The following TMEM132C variants were observed in gnomAD, a reference collection of about 807,000 sequenced individuals.
The protein encoded by TMEM132C is transmembrane protein 132C, also known as protein phosphatase 1, regulatory subunit 152.
In TMEM132C, 29 loss-of-function variants were observed where a neutral mutation model predicts 61.4. The observed-to-expected ratio is 0.47, with a 90% CI of 0.35 to 0.64. The LOEUF is 0.64. Among genes scored for constraint, TMEM132C ranks in the 30% least tolerant of loss-of-function variants. TMEM132C has a pLI of 0.00. For missense variants in TMEM132C, 1,408 were observed against 1,476.9 expected (o/e 0.95, Z 0.76); for synonymous variants, 656 against 633.1 (o/e 1.04, Z -0.54).
chr12:128,404,035 G>T (rs1223520181), intron 1 of TMEM132C, among the ~76,000 whole-genome samples: 1 of 152,138 alleles, frequency 6.6e-6, no homozygotes, highest in Non-Finnish European at 1.5e-5. Flanking sequence ...CTACCGACTA[G>T]ATGTCAATAA....
chr12:128,663,955 C>CGCAT lies in TMEM132C; in HGVS notation c.1306-5462_1306-5461insGCAT, dbSNP rs1475125604. On this transcript the variant is annotated intron_variant, in intron 4 of 8. Transcript: ENST00000435159. ...ACGCGGACACTCACACAGGCACACACACATACAGGCACATGCACCCACACG... is the reference window on the plus strand; with the variant it reads ...ACGCGGACACTCACACAGGCACACACGCATACATACAGGCACATGCACCCACACG... Among the ~76,000 whole-genome samples, 4 of 93,816 alleles carry CGCAT rather than the reference C, an allele frequency of 4.3e-5. 1 individual carries two copies. Among genetic ancestry groups the CGCAT allele is most frequent in the African/African-American group, 4.0e-5 (1 of 24,900 alleles). 61.5% of individuals were successfully genotyped at this position (93,816 alleles called of 152,430 possible). A position where few individuals can be genotyped will look rare whatever the true frequency, so the allele number is the denominator to read the frequency against.
chr12:128,271,171 T>C (rs1787906427), intron 1 of TMEM132C, among the ~76,000 whole-genome samples: 1 of 151,822 alleles, frequency 6.6e-6, no homozygotes, highest in South Asian at 2.1e-4. Context: ...TGAGAATTGC[T>C]TGAATCTGGG....
At chr12:128,552,830 C>T (rs1815586589) in intron 3 of TMEM132C, among the ~76,000 whole-genome samples, 1 of 152,104 alleles carries the variant, frequency 6.6e-6, no homozygotes, top group African/African-American at 2.4e-5. Flanking sequence ...ATGGCTTGAA[C>T]CCAGGAGGCG....
At chr12:128,556,787 C>T (rs150238715) in intron 3 of TMEM132C, among the ~76,000 whole-genome samples, 1 of 152,252 alleles carries the variant, frequency 6.6e-6, no homozygotes, top group African/African-American at 2.4e-5. Flanking sequence ...AGGAGGACCC[C>T]CGAGCCTTGT....
At chr12:128,606,411 G>A (rs1424529317) in intron 3 of TMEM132C, among the ~76,000 whole-genome samples, 1 of 152,158 alleles carries the variant, frequency 6.6e-6, no homozygotes, top group East Asian at 1.9e-4. Flanking sequence ...CTCTCTTAAG[G>A]GCTTCGTTTC....
intron 2 of TMEM132C, among the ~76,000 whole-genome samples, chr12:128,462,614 G>A (rs2136071300): frequency 6.6e-6 from 1 of 152,268 alleles, no homozygotes; most frequent in East Asian, 1.9e-4. Flanking sequence ...CCTCCTGAAG[G>A]AAAGCCACAC....
intron 2 of TMEM132C, among the ~76,000 whole-genome samples, chr12:128,440,878 A>G (rs1261692563): frequency 2.6e-5 from 4 of 152,084 alleles, no homozygotes; most frequent in Non-Finnish European, 5.9e-5. Flanking sequence ...GTGAAACCCC[A>G]TCTCTACCAA....
At chr12:128,544,201 G>C in intron 3 of TMEM132C, 98 bp downstream of exon 3, 1 of 1,395,686 alleles carries the variant, frequency 7.2e-7, no homozygotes, top group Non-Finnish European at 9.4e-7. Flanking sequence ...GTGAGCGGCT[G>C]CTCAGAGGAG....
At chr12:128,430,380 C>CTTT in intron 2 of TMEM132C, among the ~76,000 whole-genome samples, 1 of 152,250 alleles carries the variant, frequency 6.6e-6, no homozygotes, top group African/African-American at 2.4e-5. Flanking sequence ...CAGACAAAAC[C>CTTT]AGTTAGGCCT....
intron 1 of TMEM132C, among the ~76,000 whole-genome samples, chr12:128,345,312 GA>G (rs1389548599): frequency 1.3e-5 from 2 of 152,114 alleles, no homozygotes; most frequent in Non-Finnish European, 2.9e-5. Flanking sequence ...ATCACTGATG[GA>G]CACTTAGGTT....
intron 1 of TMEM132C, among the ~76,000 whole-genome samples, chr12:128,272,890 A>G (rs969555149): frequency 2.6e-5 from 4 of 152,158 alleles, no homozygotes; most frequent in Non-Finnish European, 4.4e-5. Context: ...AGTGCTTTAT[A>G]TATTCTGAAT....
intron 2 of TMEM132C, among the ~76,000 whole-genome samples, chr12:128,497,943 C>T (rs936983480): frequency 6.6e-6 from 1 of 152,142 alleles, no homozygotes; most frequent in African/African-American, 2.4e-5. Context: ...TAGACTGAAG[C>T]TGTTCCTATT....
At chr12:128,421,696 C>T (rs1868993801) in intron 2 of TMEM132C, among the ~76,000 whole-genome samples, 1 of 152,208 alleles carries the variant, frequency 6.6e-6, no homozygotes, top group Non-Finnish European at 1.5e-5. Flanking sequence ...CAAATTAGTT[C>T]ATGAGACCCA....
At chr12:128,557,789 G>A (rs1045934800) in intron 3 of TMEM132C, among the ~76,000 whole-genome samples, 2 of 152,220 alleles carry the variant, frequency 1.3e-5, no homozygotes, top group South Asian at 4.1e-4. Flanking sequence ...CAAGACAGTG[G>A]CAAACTGCAG....
At chr12:128,370,421 G>A (rs1419886484) in intron 1 of TMEM132C, among the ~76,000 whole-genome samples, 1 of 152,064 alleles carries the variant, frequency 6.6e-6, no homozygotes, top group Non-Finnish European at 1.5e-5. Context: ...TATTGACTGA[G>A]TCATTGGCAG....
chr12:128,540,165 T>C (rs958123463), intron 2 of TMEM132C, among the ~76,000 whole-genome samples: 6 of 152,178 alleles, frequency 3.9e-5, no homozygotes, highest in Non-Finnish European at 1.5e-5. Flanking sequence ...CCCTGCTGCG[T>C]GTTCTTTTTT....
intron 2 of TMEM132C, among the ~76,000 whole-genome samples, chr12:128,429,860 G>C (rs1869328199): frequency 6.6e-6 from 1 of 152,148 alleles, no homozygotes; most frequent in African/African-American, 2.4e-5. Context: ...GCATGGGACT[G>C]GCTCTTAAAA....
rs765612352 is a variant in TMEM132C, at chr12:128,387,638, C to T, written c.86-27094C>T. 1.7e-4 allele frequency among the ~76,000 whole-genome samples: 26 copies of T among 152,032 alleles called. No individual in the cohort carries two copies. In the East Asian group the frequency reaches 2.7e-3, roughly 16 times the overall value. On this transcript the variant is annotated intron_variant, in intron 1 of 8. Coordinates refer to ENST00000435159, the MANE Select transcript of TMEM132C (RefSeq NM_001136103.3). The stretch of plus-strand genomic sequence containing the variant: ...CAGCCTGGCTGACACGATGAAACCC[C>T]GTCTCTGCTAAAAATACAAAAATTA...
At chr12:128,416,825 T>C (rs1868795273) in intron 2 of TMEM132C, among the ~76,000 whole-genome samples, 1 of 152,210 alleles carries the variant, frequency 6.6e-6, no homozygotes, top group Non-Finnish European at 1.5e-5. Flanking sequence ...GATCTTCATT[T>C]GCTAATGTTT....
Sources: gnomAD v4.1 joint callset for allele counts (sites outside exome capture counted in the v4.1 genomes callset) on GRCh38, gnomAD v4.1.1 for gene constraint, MANE v1.5 for transcripts, NCBI Gene and HGNC (gene_info 2026-07-23, HGNC 2026-07-21) for gene names.